Variants in GPI observed in about 807,000 individuals in gnomAD.
GPI encodes the protein glucose-6-phosphate isomerase, also known as D-hexose-6-phosphate anomerase.
GPI carries 56 observed loss-of-function variants against 75.8 expected under a neutral mutation model. The ratio of observed to expected loss-of-function variants is 0.74; its 90% CI spans 0.60 to 0.92. The LOEUF is 0.92. Ranked by LOEUF, GPI falls within the 40% of genes least tolerant of loss-of-function variation. The probability of loss-of-function intolerance (pLI) is 0.00; values close to 1 mark genes in which losing one functional copy is unlikely to be tolerated. For synonymous variants in GPI, 288 were observed against 285.4 expected, an observed-to-expected ratio of 1.01 and a Z score of -0.09; for missense variants, 638 against 741.0, an observed-to-expected ratio of 0.86 and a Z score of 1.61.
At chr19:34,396,178 T>C in intron 12 of GPI, 123 bp from the exon 13 acceptor site, 1 of 999,756 alleles carries the variant, frequency 1.0e-6, no homozygotes, top group Non-Finnish European at 1.5e-6. Context: ...CCTCAGGTGA[T>C]CCGCCTGCCT....
chr19:34,373,262 G>A (rs567812893), intron 4 of GPI, among the ~76,000 whole-genome samples: 17 of 151,718 alleles, frequency 1.1e-4, no homozygotes, highest in Admixed American at 3.3e-4. Flanking sequence ...AGTGGCAGGC[G>A]CCCATAATTC....
Position 34,366,435 on chromosome 19 carries a change from G to T in GPI, c.213G>T (p.Leu71Phe). 1 of 1,606,790 alleles carries T rather than the reference G, an allele frequency of 6.2e-7. No homozygotes were observed. The highest frequency in any genetic ancestry group is 8.5e-7 in the Non-Finnish European group (1 of 1,173,294). Residue 71 changes from leucine to phenylalanine, a missense_variant and splice_region_variant, in exon 2 of 18, where the codon TTG becomes TTT. Leu to Phe is a conservative substitution (Grantham distance 22). Transcript: ENST00000356487. ...ACGTGATGCGGATGCTGGTGGACTT[G>T]GTAATGTTCTGCTTGGGGAGGCATA... ...TEDVMRMLVD[L>F]AKSRGVEAAR...
rs2075032196 is a variant in GPI, at chr19:34,402,187, GAT to G, written c.*2153_*2154del. On this transcript the variant is annotated 3_prime_UTR_variant, in exon 18 of 18. Coordinates refer to ENST00000356487, the MANE Select transcript of GPI (RefSeq NM_000175.5). ...AAAATAAAAAATAAATTTTTGTAGTGATAGGATCCCACTGAGGCCAGAGAATA... is the reference window on the plus strand; with the variant it reads ...AAAATAAAAAATAAATTTTTGTAGTGAGGATCCCACTGAGGCCAGAGAATA... 1.3e-5 allele frequency: 2 copies of G among 152,018 alleles called. No individual in the cohort carries two copies. Among genetic ancestry groups the G allele is most frequent in the African/African-American group, 2.4e-5 (1 of 41,420 alleles). The allele number at this position is 152,018 out of a possible 1,614,324, so 9.4% of individuals were successfully genotyped here.
Position 34,377,857 on chromosome 19 carries a change from C to T in GPI, c.609C>T (p.Ser203=), listed in dbSNP as rs762111674. The T allele has an allele frequency of 1.2e-6, 2 of 1,614,154 alleles. No individual in the cohort carries two copies. Among genetic ancestry groups the T allele is most frequent in the East Asian group, 2.2e-5 (1 of 44,880 alleles). ...CCCTGGCCCAGCTGAACCCCGAGTCCTCCCTGTTCATCATTGCCTCCAAGG... is the reference window on the plus strand; with the variant it reads ...CCCTGGCCCAGCTGAACCCCGAGTCTTCCCTGTTCATCATTGCCTCCAAGG... ...AKTLAQLNPE[S]SLFIIASKTF... The change falls in exon 6 of 18, where the codon TCC becomes TCT. Residue 203 remains serine, a synonymous_variant. Coordinates refer to ENST00000356487, the MANE Select transcript of GPI (RefSeq NM_000175.5).
At chr19:34,381,708 C>G (rs1599833261) in intron 9 of GPI, 189 bp downstream of exon 9, 1 of 660,214 alleles carries the variant, frequency 1.5e-6, no homozygotes, top group East Asian at 2.7e-5. Flanking sequence ...GGCTCCACTT[C>G]CACCTGAGGG....
chr19:34,360,935 G>A (rs990157703), upstream of GPI, among the ~76,000 whole-genome samples: 3 of 151,854 alleles, frequency 2.0e-5, no homozygotes, highest in Admixed American at 6.6e-5. Flanking sequence ...CCGCCACCAC[G>A]CCTGGCTAAT....
chr19:34,387,013 A>G (rs2074745504), intron 9 of GPI, among the ~76,000 whole-genome samples: 1 of 152,212 alleles, frequency 6.6e-6, no homozygotes, highest in Non-Finnish European at 1.5e-5. Flanking sequence ...GCCAAGCCAG[A>G]CACAGGATGT....
intron 4 of GPI, among the ~76,000 whole-genome samples, chr19:34,373,572 A>G (rs1344054369): frequency 6.6e-6 from 1 of 152,006 alleles, no homozygotes; most frequent in Non-Finnish European, 1.5e-5. Context: ...AAAAAAAAAA[A>G]AAAATTAAAA....
At chr19:34,396,769 AC>A in intron 14 of GPI, 112 bp downstream of exon 14, 1 of 793,318 alleles carries the variant, frequency 1.3e-6, no homozygotes. Flanking sequence ...TCCTGCCGTA[AC>A]AAATGATAAC....
intron 9 of GPI, among the ~76,000 whole-genome samples, chr19:34,387,062 C>G (rs1168689497): frequency 6.6e-6 from 1 of 152,120 alleles, no homozygotes; most frequent in Non-Finnish European, 1.5e-5. Context: ...AAAGCTGGAC[C>G]CTGGGAGGCT....
chr19:34,366,950 G>A (rs200989155), intron 3 of GPI, 99 bp downstream of exon 3: 1 of 945,944 alleles, frequency 1.1e-6, no homozygotes, highest in Admixed American at 1.8e-5. Context: ...CCTTCTCTTG[G>A]GCAATGCTTT....
At chr19:34,394,817 A>G (rs775199997) in intron 12 of GPI, among the ~76,000 whole-genome samples, 1 of 151,558 alleles carries the variant, frequency 6.6e-6, no homozygotes, top group Non-Finnish European at 1.5e-5. Flanking sequence ...GAGTTCAAGC[A>G]ATTCCTGTGC....
intron 3 of GPI, 36 bp from the exon 4 acceptor site, chr19:34,368,547 G>T (rs201969486): frequency 9.3e-6 from 15 of 1,613,182 alleles, no homozygotes; most frequent in Middle Eastern, 1.6e-4. Context: ...CTGGGGTTGG[G>T]GGGGGCAGTC....
At chr19:34,386,168 G>GGTT (rs2074731745) in intron 9 of GPI, among the ~76,000 whole-genome samples, 3 of 152,028 alleles carry the variant, frequency 2.0e-5, no homozygotes, top group Non-Finnish European at 4.4e-5. Context: ...TGAGAACCCA[G>GGTT]CGAAAAGCTC....
At chr19:34,382,524 G>C (rs1363370242) in intron 9 of GPI, among the ~76,000 whole-genome samples, 1 of 152,132 alleles carries the variant, frequency 6.6e-6, no homozygotes, top group Non-Finnish European at 1.5e-5. Context: ...GTCATTTTCT[G>C]CATCCTGTGG....
upstream of GPI, among the ~76,000 whole-genome samples, chr19:34,364,053 A>G (rs558125250): frequency 1.7e-3 from 266 of 152,076 alleles, no homozygotes; most frequent in Non-Finnish European, 3.2e-3. Flanking sequence ...TTTTTAAGAC[A>G]AGGTGTTGCT....
At position 34,393,217 on chromosome 19, in the gene GPI, C is replaced by T. The variant is rs746571863; in HGVS notation, c.805-31C>T. 9.5e-6 allele frequency: 15 copies of T among 1,571,720 alleles called. No individual in the cohort carries two copies. The highest frequency in any genetic ancestry group is 1.3e-5 in the Non-Finnish European group (15 of 1,141,656). On this transcript the variant is annotated intron_variant, in intron 9 of 17. Transcript: ENST00000356487. This position sits in a 1 kb window ranked among gnomAD's most constrained non-coding sequence, Gnocchi z 4.4. The stretch of plus-strand genomic sequence containing the variant: ...AGGTGGGGGGCGGGGTGTGCCGGCC[C>T]TCCCTCAGCACCTTGTCCTGTCTCT...
intron 6 of GPI, among the ~76,000 whole-genome samples, chr19:34,378,505 C>G (rs1311010984): frequency 1.3e-5 from 2 of 152,154 alleles, no homozygotes; most frequent in Non-Finnish European, 2.9e-5. Context: ...CTTGAGCCGC[C>G]ATGCCCAGCC....
rs929544458 is a variant in GPI at position 34,393,155 on chromosome 19, G to A, written c.805-93G>A. 45 of 1,013,210 alleles carry A rather than the reference G, an allele frequency of 4.4e-5. No homozygotes were observed. Among genetic ancestry groups the A allele is most frequent in the Admixed American group, 2.7e-4 (16 of 58,940 alleles). 62.8% of individuals were successfully genotyped at this position (1,013,210 alleles called of 1,614,324 possible). A position where few individuals can be genotyped will look rare whatever the true frequency, so the allele number is the denominator to read the frequency against. On this transcript the variant is annotated intron_variant, in intron 9 of 17. Coordinates refer to ENST00000356487, the MANE Select transcript of GPI (RefSeq NM_000175.5). This position sits in a 1 kb window ranked among gnomAD's most constrained non-coding sequence, Gnocchi z 4.4. The stretch of plus-strand genomic sequence containing the variant: ...GGGTTGGGCCAGGGCCCTCCGAGAC[G>A]CCCCTGTGCAAGACCAGGGACAGGG...
Sources: gnomAD v4.1 joint callset for allele counts (sites outside exome capture counted in the v4.1 genomes callset) on GRCh38, gnomAD v4.1.1 for gene constraint, Gnocchi (gnomAD v3.1) non-coding constraint, MANE v1.5 for transcripts, NCBI Gene and HGNC (gene_info 2026-07-23, HGNC 2026-07-21) for gene names.